CCDC91: variants seen among roughly 807,000 people sequenced by gnomAD.
CCDC91 encodes the protein coiled-coil domain-containing protein 91.
A neutral mutation model predicts 63.2 loss-of-function variants in CCDC91; 48 were observed. That is an observed-to-expected ratio of 0.76 (90% CI 0.60 to 0.97). CCDC91 has a LOEUF of 0.97. Among genes scored for constraint, CCDC91 ranks in the 50% least tolerant of loss-of-function variants. The probability of loss-of-function intolerance (pLI) is 0.00; values close to 1 mark genes in which losing one functional copy is unlikely to be tolerated. For synonymous variants in CCDC91, 167 were observed against 165.8 expected (o/e 1.01, Z -0.06); for missense variants, 500 against 494.6 (o/e 1.01, Z -0.10).
chr12:28,257,017 G>A (rs1946500649), intron 1 of CCDC91, 185 bp from the exon 2 acceptor site: 1 of 468,204 alleles, frequency 2.1e-6, no homozygotes, highest in African/African-American at 2.0e-5. Context: ...TGCTGAAAAA[G>A]TTACAGAAAT....
chr12:28,475,538 C>A (rs1268863141), intron 11 of CCDC91, among the ~76,000 whole-genome samples: 10 of 152,014 alleles, frequency 6.6e-5, no homozygotes, highest in Admixed American at 6.6e-4. Flanking sequence ...TAACTTTGGC[C>A]TTGATTGAGA....
At chr12:28,443,481 G>C (rs1277848593) in intron 8 of CCDC91, among the ~76,000 whole-genome samples, 1 of 152,036 alleles carries the variant, frequency 6.6e-6, no homozygotes, top group Non-Finnish European at 1.5e-5. Context: ...ATTCATGCAT[G>C]CATGAATGCC....
chr12:28,371,157 G>A (rs527538836), intron 7 of CCDC91, among the ~76,000 whole-genome samples: 18 of 152,016 alleles, frequency 1.2e-4, no homozygotes, highest in African/African-American at 4.3e-4. Flanking sequence ...TGTATAGCAG[G>A]GGTCCTTAAC....
At chr12:28,259,994 T>C (rs1389203431) in intron 3 of CCDC91, among the ~76,000 whole-genome samples, 11 of 151,990 alleles carry the variant, frequency 7.2e-5, no homozygotes, top group African/African-American at 1.4e-4. Flanking sequence ...CTGTTAAAGT[T>C]GGGAGAAGAT....
At chr12:28,332,075 A>G (rs1941563323) in intron 6 of CCDC91, among the ~76,000 whole-genome samples, 1 of 152,190 alleles carries the variant, frequency 6.6e-6, no homozygotes, top group Admixed American at 6.6e-5. Context: ...ACAAATTAAT[A>G]TGTAAATTTA....
chr12:28,325,630 A>G (rs1269895155), intron 6 of CCDC91, among the ~76,000 whole-genome samples: 1 of 151,984 alleles, frequency 6.6e-6, no homozygotes, highest in Non-Finnish European at 1.5e-5. Context: ...CATTTAAAAG[A>G]TGACTTTAAA....
chr12:28,195,874 G>A (rs905730536), intron 1 of CCDC91, among the ~76,000 whole-genome samples: 2 of 152,176 alleles, frequency 1.3e-5, no homozygotes, highest in Middle Eastern at 3.2e-3. Flanking sequence ...GGAGGTCAAG[G>A]TGGGAGGATC....
At chr12:28,452,100 T>G (rs560298776) in intron 10 of CCDC91, among the ~76,000 whole-genome samples, 25 of 151,558 alleles carry the variant, frequency 1.6e-4, no homozygotes, top group Non-Finnish European at 3.4e-4. Context: ...TTAAATGAAT[T>G]AATAATTTTA....
rs573697866 is a variant in CCDC91, at chr12:28,292,959, C to T, written c.110-12690C>T. On this transcript the variant is annotated intron_variant, in intron 3 of 12. Coordinates refer to ENST00000536442, the MANE Select transcript of CCDC91 (RefSeq NM_018318.5). ...TCATTTTAGGATGCTGAGTCAGCTT[C>T]TGGCAAATGGTATATTTGTAATCTG... Among the ~76,000 whole-genome samples, 12 of 152,258 alleles carry T rather than the reference C, an allele frequency of 7.9e-5. 1 individual carries two copies. The highest frequency in any genetic ancestry group is 2.9e-4 in the African/African-American group (12 of 41,548).
chr12:28,215,146 T>G (rs1038534471), intron 1 of CCDC91, among the ~76,000 whole-genome samples: 7 of 152,174 alleles, frequency 4.6e-5, no homozygotes, highest in African/African-American at 1.4e-4. Flanking sequence ...AGTCTTCTCT[T>G]GTACTTGGAC....
chr12:28,257,601 A>G (rs1216578564), intron 2 of CCDC91, among the ~76,000 whole-genome samples: 1 of 152,054 alleles, frequency 6.6e-6, no homozygotes, highest in Non-Finnish European at 1.5e-5. Flanking sequence ...AGTACTAAAG[A>G]TCCTGTCACA....
At chr12:28,214,144 TA>T (rs1301212501) in intron 1 of CCDC91, among the ~76,000 whole-genome samples, 1 of 152,062 alleles carries the variant, frequency 6.6e-6, no homozygotes, top group Admixed American at 6.6e-5. Context: ...TACCAGGAAA[TA>T]AAACAGTGAT....
At chr12:28,269,420 A>G (rs570704411) in intron 3 of CCDC91, among the ~76,000 whole-genome samples, 1 of 152,004 alleles carries the variant, frequency 6.6e-6, no homozygotes, top group Non-Finnish European at 1.5e-5. Flanking sequence ...AGTTCATTCA[A>G]ACCAGGGATG....
intron 7 of CCDC91, among the ~76,000 whole-genome samples, chr12:28,375,209 TG>T (rs1162118725): frequency 6.6e-6 from 1 of 151,992 alleles, no homozygotes; most frequent in Non-Finnish European, 1.5e-5. Flanking sequence ...AAGAGTGTTG[TG>T]GGGATGCAGT....
At chr12:28,425,568 T>C (rs1948266180) in intron 8 of CCDC91, among the ~76,000 whole-genome samples, 1 of 152,182 alleles carries the variant, frequency 6.6e-6, no homozygotes, top group Admixed American at 6.5e-5. Flanking sequence ...CTTTCTCAAG[T>C]TTTAGCTTCT....
intron 1 of CCDC91, among the ~76,000 whole-genome samples, chr12:28,191,814 A>G (rs1392022800): frequency 6.6e-6 from 1 of 152,202 alleles, no homozygotes; most frequent in Non-Finnish European, 1.5e-5. Flanking sequence ...AGTAAGGGTC[A>G]TGCCAGGCAG....
intron 7 of CCDC91, among the ~76,000 whole-genome samples, chr12:28,376,119 T>C (rs2138953977): frequency 6.6e-6 from 1 of 151,992 alleles, no homozygotes; most frequent in African/African-American, 2.4e-5. Context: ...GTTTTTCTTT[T>C]TTAAAAAAAA....
At position 28,306,826 on chromosome 12, in the gene CCDC91, C is replaced by T; in HGVS notation, c.352C>T (p.Leu118Phe). 6 of 1,611,952 alleles carry T rather than the reference C, an allele frequency of 3.7e-6. No homozygotes were observed. Among genetic ancestry groups the T allele is most frequent in the Non-Finnish European group, 5.1e-6 (6 of 1,178,576 alleles). ...TGAAAAAAGTAATGGAACAATTGCC[C>T]TTGTGGATGATTCTGAGGATCCTGG... The part of the protein sequence containing the change: ...TDEKSNGTIA[L>F]VDDSEDPGAN... Residue 118 changes from leucine to phenylalanine, a missense_variant, in exon 5 of 13, where the codon CTT becomes TTT. Physicochemically the swap from Leu to Phe is conservative, Grantham distance 22. Coordinates refer to ENST00000536442, the MANE Select transcript of CCDC91 (RefSeq NM_018318.5).
At chr12:28,485,170 T>C (rs902734672) in intron 12 of CCDC91, among the ~76,000 whole-genome samples, 2 of 151,844 alleles carry the variant, frequency 1.3e-5, no homozygotes, top group African/African-American at 4.8e-5. Context: ...TTTTTTTGTT[T>C]TTTTTTGAGA....
Sources: allele counts gnomAD v4.1 joint callset (sites outside exome capture counted in the v4.1 genomes callset), GRCh38; gene constraint gnomAD v4.1.1; transcripts MANE v1.5; gene names NCBI Gene and HGNC (gene_info 2026-07-23, HGNC 2026-07-21).